The following ATRNL1 variants were observed in gnomAD, a reference collection of about 807,000 sequenced individuals.
ATRNL1 encodes attractin like 1.
ATRNL1 carries 95 observed loss-of-function variants against 182.7 expected under a neutral mutation model. That is an observed-to-expected ratio of 0.52 (90% CI 0.44 to 0.62). The LOEUF (loss-of-function observed/expected upper bound fraction) is 0.62, where lower values mean the gene tolerates loss of function less well. ATRNL1 is among the 20% of genes least tolerant of loss of function. The pLI, the probability that ATRNL1 is intolerant of heterozygous loss-of-function variation, is 0.00. For missense variants in ATRNL1, 1,471 were observed against 1,679.5 expected, an observed-to-expected ratio of 0.88 and a Z score of 2.17; for synonymous variants, 576 against 568.3, an observed-to-expected ratio of 1.01 and a Z score of -0.19.
intron 24 of ATRNL1, 132 bp from the exon 25 acceptor site, chr10:115,519,131 A>T (rs959603247): frequency 4.1e-6 from 3 of 736,000 alleles, no homozygotes; most frequent in Non-Finnish European, 6.7e-6. Flanking sequence ...ATTCCATCAC[A>T]TATTTGATTT....
rs970352233 is a variant in ATRNL1, at chr10:115,391,791, G to T, written c.3176-2868G>T. Among the ~76,000 whole-genome samples the T allele has an allele frequency of 3.4e-5, 5 of 147,948 alleles. 1 individual carries two copies. Among genetic ancestry groups the T allele is most frequent in the Non-Finnish European group, 7.5e-5 (5 of 66,742 alleles). On this transcript the variant is annotated intron_variant, in intron 19 of 28. Coordinates refer to ENST00000355044, the MANE Select transcript of ATRNL1 (RefSeq NM_207303.4). ...ATCTTCCTAACATCACTCCTCTAGA[G>T]TTTTTTTTTTAATCCAGATATATGG...
chr10:115,837,769 G>T (rs1436069978), intron 27 of ATRNL1, among the ~76,000 whole-genome samples: 1 of 152,160 alleles, frequency 6.6e-6, no homozygotes, highest in Non-Finnish European at 1.5e-5. Flanking sequence ...AAGCCAGAGA[G>T]AATGACTTCA....
intron 19 of ATRNL1, among the ~76,000 whole-genome samples, chr10:115,342,868 A>G (rs1855813811): frequency 6.6e-6 from 1 of 152,140 alleles, no homozygotes; most frequent in South Asian, 2.1e-4. Flanking sequence ...CTTCAAATAT[A>G]TACATTTTAG....
intron 1 of ATRNL1, among the ~76,000 whole-genome samples, chr10:115,115,657 A>T (rs1219522176): frequency 3.3e-5 from 5 of 152,144 alleles, no homozygotes; most frequent in Non-Finnish European, 5.9e-5. Flanking sequence ...CCCTGCATAA[A>T]GACTATCCCT....
intron 26 of ATRNL1, among the ~76,000 whole-genome samples, chr10:115,590,696 G>A (rs140912906): frequency 6.6e-6 from 1 of 152,222 alleles, no homozygotes; most frequent in East Asian, 1.9e-4. Context: ...TAGCCTTGAA[G>A]TAAAAATGCA....
chr10:115,646,741 A>C (rs192612867), intron 26 of ATRNL1, among the ~76,000 whole-genome samples: 47 of 151,974 alleles, frequency 3.1e-4, no homozygotes, highest in African/African-American at 8.9e-4. Context: ...GGCAGGGCAT[A>C]ATACTATACA....
chr10:115,227,841 T>C (rs1375064892), intron 9 of ATRNL1, among the ~76,000 whole-genome samples: 2 of 152,006 alleles, frequency 1.3e-5, no homozygotes, highest in Non-Finnish European at 2.9e-5. Context: ...AAATCAGACA[T>C]AAAAGAAAAC....
chr10:115,103,078 C>G (rs557439352), intron 1 of ATRNL1, among the ~76,000 whole-genome samples: 3 of 144,182 alleles, frequency 2.1e-5, no homozygotes, highest in Non-Finnish European at 3.0e-5. Context: ...TGCTCTGTCA[C>G]TCAGGCTGGA....
intron 24 of ATRNL1, among the ~76,000 whole-genome samples, chr10:115,475,473 T>C (rs1232544541): frequency 5.3e-5 from 8 of 151,476 alleles, no homozygotes; most frequent in Admixed American, 4.6e-4. Context: ...TTAATCGTTA[T>C]AGTATTTAAT....
intron 27 of ATRNL1, among the ~76,000 whole-genome samples, chr10:115,756,809 A>T (rs1555072169): frequency 6.6e-6 from 1 of 152,114 alleles, no homozygotes; most frequent in East Asian, 1.9e-4. Context: ...GTCTCTTTGT[A>T]GGTCTCTAAA....
Position 115,255,750 on chromosome 10 carries a change from T to C in ATRNL1, c.1688-9443T>C, listed in dbSNP as rs372436872. Among the ~76,000 whole-genome samples the C allele has an allele frequency of 4.5e-3, 692 of 152,336 alleles. 5 individuals are homozygous for C. The highest frequency in any genetic ancestry group is 9.7e-3 in the South Asian group (47 of 4,830). On this transcript the variant is annotated intron_variant, in intron 10 of 28. Transcript: ENST00000355044. ...AGGGAATGCTTCCAGGTTTTGCCCA[T>C]TCAGTATGATACTGGCTGTGGGTTT... is the stretch of plus-strand genomic sequence containing the variant.
rs530778759 is a variant in ATRNL1 at position 115,327,465 on chromosome 10, G to A, written c.3038-6817G>A. Among the ~76,000 whole-genome samples, 13 of 151,840 alleles carry A rather than the reference G, an allele frequency of 8.6e-5. No individual in the cohort carries two copies. In the East Asian group the frequency reaches 2.5e-3, roughly 30 times the overall value. Reference sequence around the variant, plus strand: ...GTGCTGGAGAGGATGTGGAGAAATAGGAACACTTTTACACTGTTGGTGGGA... The same window carrying A: ...GTGCTGGAGAGGATGTGGAGAAATAAGAACACTTTTACACTGTTGGTGGGA... On this transcript the variant is annotated intron_variant, in intron 18 of 28. Transcript: ENST00000355044.
intron 27 of ATRNL1, among the ~76,000 whole-genome samples, chr10:115,749,911 A>G (rs1300497530): frequency 6.6e-6 from 1 of 151,988 alleles, no homozygotes; most frequent in Non-Finnish European, 1.5e-5. Context: ...TCGAAGTAAG[A>G]AATACCTTTT....
intron 26 of ATRNL1, among the ~76,000 whole-genome samples, chr10:115,699,457 A>G (rs1488611019): frequency 6.6e-6 from 1 of 152,156 alleles, no homozygotes; most frequent in African/African-American, 2.4e-5. Context: ...AGGCAATTAG[A>G]TCAAGAGAAC....
At chr10:115,638,229 T>C (rs562828261) in intron 26 of ATRNL1, among the ~76,000 whole-genome samples, 8 of 152,306 alleles carry the variant, frequency 5.3e-5, no homozygotes, top group African/African-American at 1.9e-4. Flanking sequence ...ACACTTACCG[T>C]AGTATTACAA....
chr10:115,208,651 CA>C (rs1178234400), intron 8 of ATRNL1, among the ~76,000 whole-genome samples: 3 of 152,020 alleles, frequency 2.0e-5, no homozygotes, highest in African/African-American at 7.2e-5. Flanking sequence ...TTGCTTGGAG[CA>C]CAAACTGTTC....
intron 26 of ATRNL1, 82 bp from the exon 27 acceptor site, chr10:115,727,166 G>T: frequency 1.1e-6 from 1 of 935,492 alleles, no homozygotes; most frequent in African/African-American, 1.6e-5. Flanking sequence ...AATGCCATTT[G>T]TTAAAAGAGG....
chr10:115,166,168 A>G (rs1458039128), intron 7 of ATRNL1, among the ~76,000 whole-genome samples: 1 of 152,030 alleles, frequency 6.6e-6, no homozygotes, highest in East Asian at 1.9e-4. Flanking sequence ...TTGTCCTTTT[A>G]TGACTGATTT....
At chr10:115,381,493 A>T (rs1858005239) in intron 19 of ATRNL1, among the ~76,000 whole-genome samples, 1 of 139,438 alleles carries the variant, frequency 7.2e-6, no homozygotes. Flanking sequence ...GGCTGGTCTC[A>T]AACTCCTGAC....
Sources: allele counts gnomAD v4.1 joint callset (sites outside exome capture counted in the v4.1 genomes callset), GRCh38; gene constraint gnomAD v4.1.1; transcripts MANE v1.5; gene names NCBI Gene and HGNC (gene_info 2026-07-23, HGNC 2026-07-21).